Variants in NRXN1 observed in about 807,000 individuals in gnomAD.
The protein encoded by NRXN1 is neurexin 1.
In NRXN1, 39 loss-of-function variants were observed where a neutral mutation model predicts 150.9. The ratio of observed to expected loss-of-function variants is 0.26; its 90% CI spans 0.20 to 0.34. The LOEUF is 0.34. Among genes scored for constraint, NRXN1 ranks in the 10% least tolerant of loss-of-function variants. The probability of loss-of-function intolerance (pLI) is 1.00; values close to 1 mark genes in which losing one functional copy is unlikely to be tolerated. For synonymous variants in NRXN1, 924 were observed against 757.0 expected (o/e 1.22, Z -3.62); for missense variants, 1,815 against 1,949.9 (o/e 0.93, Z 1.30).
intron 17 of NRXN1, among the ~76,000 whole-genome samples, chr2:50,284,299 A>C (rs759903605): frequency 2.0e-5 from 3 of 152,162 alleles, no homozygotes; most frequent in Non-Finnish European, 2.9e-5. Context: ...TCTCTTACTC[A>C]TCCCTTCTCC....
chr2:51,004,653 A>T (rs1487994091), intron 2 of NRXN1, among the ~76,000 whole-genome samples: 1 of 147,794 alleles, frequency 6.8e-6, no homozygotes, highest in Non-Finnish European at 1.5e-5. Context: ...AAAAATAAAT[A>T]AATAAACAAA....
At chr2:50,485,744 G>T (rs1305588463) in intron 15 of NRXN1, among the ~76,000 whole-genome samples, 1 of 152,204 alleles carries the variant, frequency 6.6e-6, no homozygotes, top group Non-Finnish European at 1.5e-5. Context: ...CCTACACAGG[G>T]ATTAAGGTTG....
intron 17 of NRXN1, among the ~76,000 whole-genome samples, chr2:50,262,135 T>G (rs2152913136): frequency 6.6e-6 from 1 of 152,030 alleles, no homozygotes; most frequent in African/African-American, 2.4e-5. Flanking sequence ...TGGTTTATAT[T>G]TATTTCATTC....
intron 8 of NRXN1, among the ~76,000 whole-genome samples, chr2:50,591,735 C>A (rs1674301619): frequency 6.6e-6 from 1 of 152,164 alleles, no homozygotes; most frequent in African/African-American, 2.4e-5. Flanking sequence ...CTATCTGGGA[C>A]AGCACATGGT....
chr2:50,070,237 T>G (rs1157085340), intron 19 of NRXN1, among the ~76,000 whole-genome samples: 2 of 152,154 alleles, frequency 1.3e-5, no homozygotes, highest in African/African-American at 4.8e-5. Context: ...CTCCTCTTCA[T>G]TTGAAATTTT....
intron 5 of NRXN1, among the ~76,000 whole-genome samples, chr2:50,650,784 T>C (rs530441192): frequency 2.0e-5 from 3 of 152,068 alleles, no homozygotes; most frequent in Admixed American, 2.0e-4. Flanking sequence ...CTCCCTGTGT[T>C]CTTAACTGTT....
chr2:50,994,884 A>G (rs1375704229), intron 2 of NRXN1, among the ~76,000 whole-genome samples: 1 of 152,052 alleles, frequency 6.6e-6, no homozygotes, highest in African/African-American at 2.4e-5. Flanking sequence ...ACAAACGGTG[A>G]TGCAATTACA....
rs1695137849 is a variant in NRXN1 at position 50,064,952 on chromosome 2, A to G, written c.3719-9908T>C. Among the ~76,000 whole-genome samples, 3 of 152,114 alleles carry G rather than the reference A, an allele frequency of 2.0e-5. No individual in the cohort carries two copies. The South Asian group carries it at 6.2e-4, about 32-fold the overall frequency. ...TTGGATTGTCTTCTGGACTTTTAAG[A>G]CCTCACTGAATGATGAACACACACT... On this transcript the variant is annotated intron_variant, in intron 19 of 22. Coordinates refer to ENST00000401669, the MANE Select transcript of NRXN1 (RefSeq NM_001330078.2).
chr2:50,881,713 A>G (rs935311196), intron 5 of NRXN1, among the ~76,000 whole-genome samples: 1 of 151,872 alleles, frequency 6.6e-6, no homozygotes, highest in South Asian at 2.1e-4. Context: ...GTGCTTATCA[A>G]TAGATTTAAA....
chr2:50,739,641 G>A (rs1393331504), intron 5 of NRXN1, among the ~76,000 whole-genome samples: 1 of 152,042 alleles, frequency 6.6e-6, no homozygotes, highest in Non-Finnish European at 1.5e-5. Context: ...TTCCATAATG[G>A]CACAGTTTAA....
At chr2:50,377,681 T>G (rs1198774741) in intron 17 of NRXN1, among the ~76,000 whole-genome samples, 1 of 152,160 alleles carries the variant, frequency 6.6e-6, no homozygotes, top group African/African-American at 2.4e-5. Flanking sequence ...TTCTCACCAG[T>G]CCAGTTTGTG....
At chr2:50,836,151 C>G (rs72838712) in intron 5 of NRXN1, among the ~76,000 whole-genome samples, 23,521 of 152,006 alleles carry the variant, frequency 0.15, 2,020 homozygotes, top group Non-Finnish European at 0.18. Context: ...GTATGGTTTT[C>G]TTCTTGTTTT....
At chr2:50,726,880 G>A (rs373205029) in intron 5 of NRXN1, among the ~76,000 whole-genome samples, 38 of 152,098 alleles carry the variant, frequency 2.5e-4, no homozygotes, top group African/African-American at 8.9e-4. Flanking sequence ...TGTACTTAAA[G>A]AAAAATAAAC....
At chr2:50,012,089 T>A (rs1558689458) in intron 21 of NRXN1, among the ~76,000 whole-genome samples, 1 of 152,100 alleles carries the variant, frequency 6.6e-6, no homozygotes, top group Non-Finnish European at 1.5e-5. Flanking sequence ...ATTCTGGATT[T>A]TCCCCCCATC....
At chr2:50,825,510 C>G (rs912938020) in intron 5 of NRXN1, among the ~76,000 whole-genome samples, 1 of 152,168 alleles carries the variant, frequency 6.6e-6, no homozygotes, top group African/African-American at 2.4e-5. Context: ...CATAATAACT[C>G]AAAAGGACTG....
intron 8 of NRXN1, among the ~76,000 whole-genome samples, chr2:50,611,865 A>C (rs1678201793): frequency 6.6e-6 from 1 of 152,148 alleles, no homozygotes; most frequent in East Asian, 1.9e-4. Flanking sequence ...GAAAGCTCAT[A>C]TATAACTAAC....
intron 5 of NRXN1, among the ~76,000 whole-genome samples, chr2:50,748,253 C>A (rs1009253612): frequency 3.3e-5 from 5 of 152,152 alleles, no homozygotes; most frequent in Non-Finnish European, 7.3e-5. Flanking sequence ...AAAGACTGCA[C>A]CCAACCGTCC....
intron 18 of NRXN1, among the ~76,000 whole-genome samples, chr2:50,135,670 G>A (rs1244378533): frequency 6.6e-6 from 1 of 151,810 alleles, no homozygotes; most frequent in African/African-American, 2.4e-5. Context: ...CAGCCTGGGC[G>A]ACAGAGCAAG....
At chr2:49,926,896 G>C (rs1226179621) in intron 22 of NRXN1, among the ~76,000 whole-genome samples, 1 of 152,134 alleles carries the variant, frequency 6.6e-6, no homozygotes, top group Non-Finnish European at 1.5e-5. Context: ...TGTCAGTGCA[G>C]GCTTCATCTC....
Sources: allele counts gnomAD v4.1 joint callset (sites outside exome capture counted in the v4.1 genomes callset), GRCh38; gene constraint gnomAD v4.1.1; transcripts MANE v1.5; gene names NCBI Gene and HGNC (gene_info 2026-07-23, HGNC 2026-07-21).